Variants in SCAPER observed in about 807,000 individuals in gnomAD.
The protein encoded by SCAPER is S phase cyclin A-associated protein in the endoplasmic reticulum.
In SCAPER, 98 loss-of-function variants were observed where a neutral mutation model predicts 182.2. The ratio of observed to expected loss-of-function variants is 0.54; its 90% CI spans 0.46 to 0.64. The LOEUF is 0.64. Among genes scored for constraint, SCAPER ranks in the 30% least tolerant of loss-of-function variants. SCAPER has a pLI of 0.00. For missense variants in SCAPER, 1,432 were observed against 1,690.0 expected (o/e 0.85, Z 2.68); for synonymous variants, 605 against 564.6 (o/e 1.07, Z -1.01).
chr15:76,873,076 C>T (rs1378347344), intron 2 of SCAPER, among the ~76,000 whole-genome samples: 2 of 142,798 alleles, frequency 1.4e-5, no homozygotes, highest in Non-Finnish European at 3.0e-5. Context: ...AGAGTAGAAT[C>T]TTGTCTCTAC....
intron 9 of SCAPER, chr15:76,774,397 C>A: frequency 2.6e-6 from 1 of 390,612 alleles, no homozygotes; most frequent in Non-Finnish European, 5.0e-6. Flanking sequence ...CACACTGGAT[C>A]CTGGAGGAAA....
chr15:76,824,846 T>C (rs1178187981), intron 5 of SCAPER, among the ~76,000 whole-genome samples: 4 of 152,218 alleles, frequency 2.6e-5, no homozygotes, highest in Non-Finnish European at 2.9e-5. Flanking sequence ...CCTTTATAAT[T>C]TAAACCTTAC....
chr15:76,552,371 G>A (rs962276307), intron 23 of SCAPER, among the ~76,000 whole-genome samples: 42 of 152,030 alleles, frequency 2.8e-4, no homozygotes, highest in Admixed American at 2.5e-3. Flanking sequence ...CTGCACATCC[G>A]CAAGACTGGC....
intron 1 of SCAPER, chr15:76,904,701 C>G (rs2074967829): frequency 6.6e-6 from 1 of 152,348 alleles, no homozygotes; most frequent in African/African-American, 2.4e-5. Flanking sequence ...TCCCACTACT[C>G]CCAGGTGCGA....
At chr15:76,375,410 C>G (rs2141885461) in intron 29 of SCAPER, among the ~76,000 whole-genome samples, 1 of 152,072 alleles carries the variant, frequency 6.6e-6, no homozygotes, top group African/African-American at 2.4e-5. Flanking sequence ...AGGCTCTAAG[C>G]ACCTAGGCAG....
chr15:76,788,315 ATACTT>A (rs1035243171), intron 8 of SCAPER, among the ~76,000 whole-genome samples: 1 of 152,244 alleles, frequency 6.6e-6, no homozygotes, highest in Non-Finnish European at 1.5e-5. Context: ...AATGAACTAT[ATACTT>A]TAAACAAGTA....
At chr15:76,684,861 T>C (rs765398570) in intron 20 of SCAPER, among the ~76,000 whole-genome samples, 33 of 152,018 alleles carry the variant, frequency 2.2e-4, no homozygotes, top group Non-Finnish European at 1.8e-4. Context: ...AATCCTGGTA[T>C]TGTACAAATC....
intron 21 of SCAPER, among the ~76,000 whole-genome samples, chr15:76,637,742 ATGTGTGTG>A (rs55726181): frequency 0.12 from 12,696 of 104,702 alleles, 1,072 homozygotes; most frequent in South Asian, 0.19. Flanking sequence ...ATATATATAT[ATGTGTGTG>A]TGTGTGTGTG....
intron 26 of SCAPER, among the ~76,000 whole-genome samples, chr15:76,419,557 C>A (rs560943975): frequency 6.6e-6 from 1 of 151,920 alleles, no homozygotes; most frequent in Admixed American, 6.6e-5. Flanking sequence ...CCTGTCTCTA[C>A]GAAAAATACA....
intron 26 of SCAPER, among the ~76,000 whole-genome samples, chr15:76,413,198 C>T (rs568589987): frequency 6.6e-6 from 1 of 151,982 alleles, no homozygotes; most frequent in South Asian, 2.1e-4. Context: ...TTTATTTTGT[C>T]CTTTACAAAC....
At chr15:76,839,925 C>A (rs751979054) in intron 5 of SCAPER, among the ~76,000 whole-genome samples, 1 of 152,128 alleles carries the variant, frequency 6.6e-6, no homozygotes, top group Non-Finnish European at 1.5e-5. Flanking sequence ...ATCAATCAGT[C>A]ATTTGTTATT....
intron 9 of SCAPER, among the ~76,000 whole-genome samples, chr15:76,773,866 T>TA (rs879436004): frequency 4.6e-5 from 7 of 151,524 alleles, no homozygotes; most frequent in South Asian, 2.1e-4. Flanking sequence ...GTATGATATT[T>TA]AAAAAAAAGC....
intron 31 of SCAPER, chr15:76,348,970 A>G (rs1210195357): frequency 8.9e-6 from 3 of 338,968 alleles, no homozygotes; most frequent in Non-Finnish European, 1.6e-5. Flanking sequence ...TAACATATTC[A>G]GACATTAACC....
intron 26 of SCAPER, among the ~76,000 whole-genome samples, chr15:76,419,758 T>A (rs1358605719): frequency 6.6e-6 from 1 of 151,974 alleles, no homozygotes; most frequent in Non-Finnish European, 1.5e-5. Context: ...AAACTAAACC[T>A]CTCAAAATTA....
At chr15:76,679,700 C>T (rs1438380914) in intron 20 of SCAPER, among the ~76,000 whole-genome samples, 1 of 152,108 alleles carries the variant, frequency 6.6e-6, no homozygotes, top group Non-Finnish European at 1.5e-5. Context: ...ATAAGGATGA[C>T]AGTTCACCAT....
At chr15:76,371,595 G>A (rs1406966223) in intron 29 of SCAPER, among the ~76,000 whole-genome samples, 2 of 151,318 alleles carry the variant, frequency 1.3e-5, no homozygotes, top group Non-Finnish European at 2.9e-5. Flanking sequence ...TGGGATTACA[G>A]GCGTGAGCCA....
At position 76,543,070 on chromosome 15, in the gene SCAPER, T is replaced by A. The variant is rs2044921023; in HGVS notation, c.2838+31088A>T. ...TAATAGTTGTATATCTCCATAGATT[T>A]TAAATAGTATGTATGTTGAATTACA... On this transcript the variant is annotated intron_variant, in intron 23 of 31. Coordinates refer to ENST00000563290, the MANE Select transcript of SCAPER (RefSeq NM_020843.4). Among the ~76,000 whole-genome samples, 3 of 152,170 alleles carry A rather than the reference T, an allele frequency of 2.0e-5. No individual in the cohort carries two copies. The South Asian group carries it at 6.2e-4, about 32-fold the overall frequency.
intron 29 of SCAPER, among the ~76,000 whole-genome samples, chr15:76,370,972 C>A (rs370105609): frequency 1.3e-5 from 2 of 152,198 alleles, no homozygotes; most frequent in Non-Finnish European, 2.9e-5. Context: ...ACACCCCCCA[C>A]CGCTAGCCAA....
chr15:76,372,890 G>A (rs978450307), intron 29 of SCAPER, among the ~76,000 whole-genome samples: 4 of 152,140 alleles, frequency 2.6e-5, no homozygotes, highest in African/African-American at 9.7e-5. Flanking sequence ...CATGACCTCA[G>A]CCATGTAAAA....
Sources: allele counts gnomAD v4.1 joint callset (sites outside exome capture counted in the v4.1 genomes callset), GRCh38; gene constraint gnomAD v4.1.1; transcripts MANE v1.5; gene names NCBI Gene and HGNC (gene_info 2026-07-23, HGNC 2026-07-21).